Variants in JAZF1 observed in about 807,000 individuals in gnomAD.
JAZF1 encodes juxtaposed with another zinc finger protein 1.
In JAZF1, 8 loss-of-function variants were observed where a neutral mutation model predicts 26.4. That is an observed-to-expected ratio of 0.30 (90% CI 0.18 to 0.55). The LOEUF (loss-of-function observed/expected upper bound fraction) is 0.55. JAZF1 is among the 20% of genes least tolerant of loss of function. The pLI is 0.94. For synonymous variants in JAZF1, 126 were observed against 122.3 expected (o/e 1.03, Z -0.20); for missense variants, 199 against 322.0 (o/e 0.62, Z 2.92).
At chr7:28,112,266 G>A (rs766508531) in intron 1 of JAZF1, among the ~76,000 whole-genome samples, 64 of 152,310 alleles carry the variant, frequency 4.2e-4, no homozygotes, top group Admixed American at 2.0e-3. Context: ...CATAACAATG[G>A]AGGCCAGTTT....
At chr7:28,042,695 T>C (rs1252906852) in intron 1 of JAZF1, among the ~76,000 whole-genome samples, 1 of 152,190 alleles carries the variant, frequency 6.6e-6, no homozygotes, top group Non-Finnish European at 1.5e-5. Flanking sequence ...AAGGTTGTAA[T>C]GCTGTATTTT....
At chr7:28,081,292 A>G (rs940012186) in intron 1 of JAZF1, among the ~76,000 whole-genome samples, 1 of 152,188 alleles carries the variant, frequency 6.6e-6, no homozygotes, top group Non-Finnish European at 1.5e-5. Context: ...CATGCAGATA[A>G]ACAGTAAATG....
At chr7:28,159,836 T>C (rs1783252719) in intron 1 of JAZF1, among the ~76,000 whole-genome samples, 1 of 152,186 alleles carries the variant, frequency 6.6e-6, no homozygotes, top group African/African-American at 2.4e-5. Context: ...TAGATTCTCA[T>C]ACTTCACTCC....
rs190337823 is a variant in JAZF1, at chr7:27,973,995, T to C, written c.188+17914A>G. On this transcript the variant is annotated intron_variant, in intron 2 of 4. Coordinates refer to ENST00000283928, the MANE Select transcript of JAZF1 (RefSeq NM_175061.4). ...ATGCAAAGGTAATACATTTGGTGCC[T>C]GATTATTTGGAAACAGGGGTGAGGA... Among the ~76,000 whole-genome samples, 7 of 152,300 alleles carry C rather than the reference T, an allele frequency of 4.6e-5. No individual in the cohort carries two copies. In the East Asian group the frequency reaches 1.4e-3, roughly 29 times the overall value.
At chr7:27,949,462 T>C (rs891182167) in intron 2 of JAZF1, among the ~76,000 whole-genome samples, 4 of 152,210 alleles carry the variant, frequency 2.6e-5, no homozygotes, top group African/African-American at 9.6e-5. Context: ...TCATGCATGA[T>C]GCTGACCTTC....
chr7:28,074,717 A>AT (rs1257886072), intron 1 of JAZF1, among the ~76,000 whole-genome samples: 3 of 152,174 alleles, frequency 2.0e-5, no homozygotes, highest in Non-Finnish European at 4.4e-5. Context: ...AATATTTCTC[A>AT]TTAATGAAGA....
At chr7:28,067,435 T>C (rs1025700442) in intron 1 of JAZF1, among the ~76,000 whole-genome samples, 15 of 152,270 alleles carry the variant, frequency 9.9e-5, no homozygotes, top group Admixed American at 5.2e-4. Context: ...GGGGCTATAA[T>C]CCAGCAACTA....
chr7:27,910,369 G>T (rs544391485), intron 2 of JAZF1, among the ~76,000 whole-genome samples: 1 of 152,086 alleles, frequency 6.6e-6, no homozygotes, highest in Non-Finnish European at 1.5e-5. Context: ...AAATTCAGGG[G>T]GTATGTGTGT....
chr7:27,834,994 G>A (rs1348834665), intron 4 of JAZF1, among the ~76,000 whole-genome samples: 1 of 152,190 alleles, frequency 6.6e-6, no homozygotes, highest in African/African-American at 2.4e-5. Context: ...ATGTGCACCT[G>A]CCTGCTTAGT....
At chr7:27,868,648 C>T (rs1389395111) in intron 3 of JAZF1, among the ~76,000 whole-genome samples, 2 of 152,196 alleles carry the variant, frequency 1.3e-5, no homozygotes, top group Non-Finnish European at 2.9e-5. Context: ...TTCCCTGTTG[C>T]TGTGACTTAT....
chr7:28,141,082 A>G (rs1161574564), intron 1 of JAZF1, among the ~76,000 whole-genome samples: 1 of 152,240 alleles, frequency 6.6e-6, no homozygotes, highest in Non-Finnish European at 1.5e-5. Flanking sequence ...CCAGCTTTTA[A>G]TTTGGAGTAG....
chr7:27,879,198 T>C (rs1318377173), intron 3 of JAZF1, among the ~76,000 whole-genome samples: 1 of 152,204 alleles, frequency 6.6e-6, no homozygotes, highest in Non-Finnish European at 1.5e-5. Flanking sequence ...GGCCAATCTT[T>C]GAGAATGTGA....
At chr7:27,842,919 A>G (rs770471878) in intron 3 of JAZF1, 1 of 152,294 alleles carries the variant, frequency 6.6e-6, no homozygotes, top group Non-Finnish European at 1.5e-5. Context: ...CCTCAGACCA[A>G]CTGGGGGATT....
chr7:28,041,511 G>A (rs1337524158), intron 1 of JAZF1, among the ~76,000 whole-genome samples: 1 of 152,128 alleles, frequency 6.6e-6, no homozygotes, highest in Non-Finnish European at 1.5e-5. Context: ...TACTTCCCAA[G>A]ACACAGCCTT....
At chr7:28,069,997 CTT>C (rs1783950581) in intron 1 of JAZF1, among the ~76,000 whole-genome samples, 1 of 152,126 alleles carries the variant, frequency 6.6e-6, no homozygotes, top group Admixed American at 6.5e-5. Context: ...CTCTGGATGC[CTT>C]TCTCTCCCTG....
intron 2 of JAZF1, among the ~76,000 whole-genome samples, chr7:27,962,317 T>C (rs902157164): frequency 2.0e-5 from 3 of 152,304 alleles, no homozygotes; most frequent in Non-Finnish European, 2.9e-5. Flanking sequence ...AAAGTGATCA[T>C]AGTAATATTC....
chr7:27,832,182 A>G lies in JAZF1; in HGVS notation c.*618T>C, dbSNP rs1782717275. ...AGATTTTCAGCTTTTTAAAGGGCAA[A>G]AGGATTTGCAAGATAATATAAAACA... On this transcript the variant is annotated 3_prime_UTR_variant, in exon 5 of 5. Transcript: ENST00000283928. The G allele has an allele frequency of 1.9e-5, 4 of 211,086 alleles. No individual in the cohort carries two copies. The South Asian group carries it at 7.5e-4, about 40-fold the overall frequency. The allele number at this position is 211,086 out of a possible 1,614,324, so 13.1% of individuals were successfully genotyped here. A position where few individuals can be genotyped will look rare whatever the true frequency, so the allele number is the denominator to read the frequency against.
rs531411910 is a variant in JAZF1, at chr7:28,040,967, G to A, written c.116-48986C>T. 3.9e-5 allele frequency among the ~76,000 whole-genome samples: 6 copies of A among 152,160 alleles called. No homozygotes were observed. In the South Asian group the frequency reaches 1.2e-3, roughly 32 times the overall value. On this transcript the variant is annotated intron_variant, in intron 1 of 4. Transcript: ENST00000283928. ...TTCCTTAATGTTCTATTAAGGAAAGGAAGAAGACCCATCTAGAAACCACAG... is the reference window on the plus strand; with the variant it reads ...TTCCTTAATGTTCTATTAAGGAAAGAAAGAAGACCCATCTAGAAACCACAG...
intron 1 of JAZF1, among the ~76,000 whole-genome samples, chr7:28,163,790 G>A (rs776030018): frequency 6.6e-6 from 1 of 152,148 alleles, no homozygotes; most frequent in Non-Finnish European, 1.5e-5. Flanking sequence ...AAAGAGTACC[G>A]TGGTCACTTT....
Sources: allele counts gnomAD v4.1 joint callset (sites outside exome capture counted in the v4.1 genomes callset), GRCh38; gene constraint gnomAD v4.1.1; transcripts MANE v1.5; gene names NCBI Gene and HGNC (gene_info 2026-07-23, HGNC 2026-07-21).